The following PPP2R2B variants were observed in gnomAD, a reference collection of about 807,000 sequenced individuals.
PPP2R2B encodes the protein serine/threonine-protein phosphatase 2A 55 kDa regulatory subunit B beta isoform.
Under a neutral mutation model 46.0 loss-of-function variants are expected in PPP2R2B, and 5 were observed. The ratio of observed to expected loss-of-function variants is 0.11; its 90% CI spans 0.06 to 0.23. The LOEUF is 0.23. PPP2R2B is among the 10% of genes least tolerant of loss of function. The probability of loss-of-function intolerance (pLI) is 1.00; values close to 1 mark genes in which losing one functional copy is unlikely to be tolerated. For missense variants in PPP2R2B, 367 were observed against 575.0 expected, an observed-to-expected ratio of 0.64 and a Z score of 3.70; for synonymous variants, 215 against 206.7, an observed-to-expected ratio of 1.04 and a Z score of -0.34.
chr5:146,760,650 C>T (rs1358141281), intron 2 of PPP2R2B, among the ~76,000 whole-genome samples: 1 of 152,098 alleles, frequency 6.6e-6, no homozygotes, highest in Admixed American at 6.6e-5. Context: ...TAAGGTGCAC[C>T]TGGAATTATT....
chr5:146,920,694 G>A (rs1436118155), intron 1 of PPP2R2B, among the ~76,000 whole-genome samples: 2 of 152,176 alleles, frequency 1.3e-5, no homozygotes, highest in South Asian at 4.1e-4. Context: ...GAGCCCCAGA[G>A]CAGAATGAAG....
intron 2 of PPP2R2B, among the ~76,000 whole-genome samples, chr5:146,730,717 C>T (rs1752174880): frequency 6.6e-6 from 1 of 152,190 alleles, no homozygotes; most frequent in Non-Finnish European, 1.5e-5. Flanking sequence ...AAGTGCCTTT[C>T]ACCTCCTGAC....
At chr5:146,714,374 T>A (rs2151185452) in intron 2 of PPP2R2B, among the ~76,000 whole-genome samples, 1 of 152,210 alleles carries the variant, frequency 6.6e-6, no homozygotes, top group South Asian at 2.1e-4. Context: ...ATGGTGACTA[T>A]GTACAACTCC....
At chr5:146,847,646 A>G (rs1010428721) in intron 2 of PPP2R2B, among the ~76,000 whole-genome samples, 2 of 152,140 alleles carry the variant, frequency 1.3e-5, no homozygotes, top group Non-Finnish European at 2.9e-5. Context: ...ACTCTCCACA[A>G]TTCTGCCACT....
At chr5:146,771,991 T>G (rs1465787482) in intron 2 of PPP2R2B, among the ~76,000 whole-genome samples, 2 of 152,174 alleles carry the variant, frequency 1.3e-5, no homozygotes, top group Admixed American at 1.3e-4. Context: ...CACTTGCACA[T>G]GTACACAGAG....
intron 1 of PPP2R2B, among the ~76,000 whole-genome samples, chr5:147,016,820 T>C (rs900791057): frequency 2.6e-5 from 4 of 151,606 alleles, no homozygotes; most frequent in Non-Finnish European, 5.9e-5. Context: ...CAAAATAGCA[T>C]GATATATGCT....
intron 1 of PPP2R2B, among the ~76,000 whole-genome samples, chr5:146,989,705 G>A (rs1318955850): frequency 1.3e-5 from 2 of 151,900 alleles, no homozygotes; most frequent in East Asian, 3.9e-4. Flanking sequence ...GAATACCCAC[G>A]TTTACCACTT....
At chr5:146,834,859 A>G (rs1759183041) in intron 2 of PPP2R2B, among the ~76,000 whole-genome samples, 1 of 152,132 alleles carries the variant, frequency 6.6e-6, no homozygotes, top group African/African-American at 2.4e-5. Context: ...TCCACTTATA[A>G]GTAAGAACAT....
chr5:146,877,867 GGGCCA>G, intron 2 of PPP2R2B, 130 bp downstream of exon 2: 1 of 1,052,946 alleles, frequency 9.5e-7, no homozygotes, highest in Non-Finnish European at 1.3e-6. Flanking sequence ...GGGGCTGCCG[GGGCCA>G]GCCGAGCCCC....
At chr5:146,669,445 C>T (rs1406761615) in intron 5 of PPP2R2B, among the ~76,000 whole-genome samples, 1 of 151,906 alleles carries the variant, frequency 6.6e-6, no homozygotes, top group African/African-American at 2.4e-5. Flanking sequence ...AATGGCCCCT[C>T]ATATTGTTTG....
At chr5:146,889,579 G>T (rs1762430297) in intron 1 of PPP2R2B, among the ~76,000 whole-genome samples, 1 of 152,152 alleles carries the variant, frequency 6.6e-6, no homozygotes, top group African/African-American at 2.4e-5. Flanking sequence ...TGGCAGGAGG[G>T]TAATGCATCC....
At chr5:146,883,800 A>T (rs997812732) in intron 1 of PPP2R2B, among the ~76,000 whole-genome samples, 2 of 152,236 alleles carry the variant, frequency 1.3e-5, no homozygotes, top group Admixed American at 6.5e-5. Flanking sequence ...ATCTGGGAAA[A>T]GAAAAGAAAA....
intron 2 of PPP2R2B, among the ~76,000 whole-genome samples, chr5:146,715,055 C>T (rs887958715): frequency 6.6e-6 from 1 of 152,158 alleles, no homozygotes; most frequent in African/African-American, 2.4e-5. Context: ...CTCCTTTTGG[C>T]CTTCCTTAAC....
In PPP2R2B at chr5:146,650,571, A is replaced by G; in HGVS notation, c.601T>C (p.Phe201Leu). ...ADDLRINLWN[F>L]EITNQSFNIV... Reference sequence around the variant, plus strand: ...CTAAAACTTTGATTGGTTATTTCAAAGTTCCATAGGTTAATCCTCAGGTCA... The same window carrying G: ...CTAAAACTTTGATTGGTTATTTCAAGGTTCCATAGGTTAATCCTCAGGTCA... Residue 201 changes from phenylalanine (F) to leucine (L), a missense_variant, in exon 6 of 10, where the codon TTT becomes CTT. Phe to Leu is a conservative substitution (Grantham distance 22, BLOSUM62 0). Around this residue, in one of 2 missense-constraint regions of PPP2R2B, gnomAD observed 361 missense variants for 545.5 expected, o/e 0.66. Coordinates refer to ENST00000394411, the MANE Select transcript of PPP2R2B (RefSeq NM_181675.4). 6.2e-7 allele frequency: 1 copy of G among 1,613,284 alleles called. No individual in the cohort carries two copies. The highest frequency in any genetic ancestry group is 8.5e-7 in the Non-Finnish European group (1 of 1,179,772).
At position 146,581,529 on chromosome 5, in the gene PPP2R2B, T is replaced by G. The variant is rs1002417637; in HGVS notation, c.*8418A>C. 4 of 152,202 alleles carry G rather than the reference T, an allele frequency of 2.6e-5. No individual in the cohort carries two copies. The highest frequency in any genetic ancestry group is 9.7e-5 in the African/African-American group (4 of 41,450). 9.4% of individuals were successfully genotyped at this position (152,202 alleles called of 1,614,324 possible). A position where few individuals can be genotyped will look rare whatever the true frequency, so the allele number is the denominator to read the frequency against. ...GATCCAAATCATGTCAATATATAAT[T>G]AACCTTTCTGCCTTTTCAAAAATAA... On this transcript the variant is annotated 3_prime_UTR_variant, in exon 10 of 10. Coordinates refer to ENST00000394411, the MANE Select transcript of PPP2R2B (RefSeq NM_181675.4).
intron 1 of PPP2R2B, among the ~76,000 whole-genome samples, chr5:147,011,532 A>G (rs1754733270): frequency 1.3e-5 from 2 of 152,150 alleles, no homozygotes; most frequent in Non-Finnish European, 1.5e-5. Flanking sequence ...CAAAATGACA[A>G]TTTGAGTTCC....
intron 2 of PPP2R2B, among the ~76,000 whole-genome samples, chr5:146,775,722 A>T (rs1755141071): frequency 6.6e-6 from 1 of 152,054 alleles, no homozygotes; most frequent in Non-Finnish European, 1.5e-5. Flanking sequence ...ACATTTAAAA[A>T]CCTTAAGAAC....
intron 1 of PPP2R2B, among the ~76,000 whole-genome samples, chr5:146,983,998 A>G (rs1753308072): frequency 6.6e-6 from 1 of 152,140 alleles, no homozygotes; most frequent in African/African-American, 2.4e-5. Context: ...TGTGGTACAA[A>G]GTAATATTAT....
At chr5:146,769,726 C>T (rs1754722980) in intron 2 of PPP2R2B, among the ~76,000 whole-genome samples, 1 of 152,168 alleles carries the variant, frequency 6.6e-6, no homozygotes, top group Non-Finnish European at 1.5e-5. Flanking sequence ...TTGTAATATG[C>T]TAGGCACTAT....
Sources: allele counts gnomAD v4.1 joint callset (sites outside exome capture counted in the v4.1 genomes callset), GRCh38; gene constraint gnomAD v4.1.1; regional missense constraint gnomAD v4.1.1; transcripts MANE v1.5; gene names NCBI Gene and HGNC (gene_info 2026-07-23, HGNC 2026-07-21).